AGBL1: variants seen among roughly 807,000 people sequenced by gnomAD.
AGBL1 encodes cytosolic carboxypeptidase 4.
In AGBL1, 130 loss-of-function variants were observed where a neutral mutation model predicts 118.9. The observed-to-expected ratio is 1.09, with a 90% CI of 0.95 to 1.26. AGBL1 has a LOEUF of 1.26. AGBL1 is among the 50% of genes most tolerant of loss of function. The pLI is 0.00. For synonymous variants in AGBL1, 555 were observed against 478.9 expected (o/e 1.16, Z -2.08); for missense variants, 1,584 against 1,298.1 (o/e 1.22, Z -3.38).
At chr15:86,985,554 C>T (rs146855849) in intron 23 of AGBL1, among the ~76,000 whole-genome samples, 56 of 152,228 alleles carry the variant, frequency 3.7e-4, no homozygotes, top group Non-Finnish European at 7.2e-4. Context: ...TGTGTCAATT[C>T]AAGATTTTAC....
intron 17 of AGBL1, among the ~76,000 whole-genome samples, chr15:86,325,955 T>C (rs564278659): frequency 1.3e-5 from 2 of 152,312 alleles, no homozygotes; most frequent in South Asian, 4.1e-4. Context: ...CCTTCCTACA[T>C]GAGCAGGAAG....
In AGBL1 at chr15:86,861,491, G is replaced by A. The variant is rs555290992; in HGVS notation, c.3159-45596G>A. Reference sequence around the variant, plus strand: ...TTCAAAAAGGTTTAGTAACTATTCCGACTACAGGGAGCTAGAATATCAACA... The same window carrying A: ...TTCAAAAAGGTTTAGTAACTATTCCAACTACAGGGAGCTAGAATATCAACA... On this transcript the variant is annotated intron_variant, in intron 22 of 22. Transcript: ENST00000614907. Among the ~76,000 whole-genome samples, 102 of 152,186 alleles carry A rather than the reference G, an allele frequency of 6.7e-4. 1 individual carries two copies. The highest frequency in any genetic ancestry group is 3.4e-3 in the Middle Eastern group (1 of 294).
chr15:86,770,275 A>G (rs949869095), intron 22 of AGBL1, among the ~76,000 whole-genome samples: 1 of 151,954 alleles, frequency 6.6e-6, no homozygotes, highest in African/African-American at 2.4e-5. Flanking sequence ...AGATACATAA[A>G]TAACTATCAC....
intron 17 of AGBL1, among the ~76,000 whole-genome samples, chr15:86,324,779 C>G (rs1049498687): frequency 6.6e-6 from 1 of 152,192 alleles, no homozygotes; most frequent in African/African-American, 2.4e-5. Flanking sequence ...TTTGAAAAGA[C>G]ATTTAAGCCA....
intron 22 of AGBL1, among the ~76,000 whole-genome samples, chr15:86,720,029 A>C (rs944560788): frequency 6.6e-6 from 1 of 152,082 alleles, no homozygotes; most frequent in South Asian, 2.1e-4. Context: ...GATTTCCCAG[A>C]CCTTTGCTTA....
At chr15:86,633,865 G>GTA (rs199562622) in intron 21 of AGBL1, among the ~76,000 whole-genome samples, 8,037 of 102,576 alleles carry the variant, frequency 0.078, 491 homozygotes, top group African/African-American at 0.22. Context: ...TATATATAAT[G>GTA]TATATATATA....
intron 1 of AGBL1, among the ~76,000 whole-genome samples, chr15:86,103,756 ATGCCTTTCCT>A (rs1030934111): frequency 6.6e-6 from 1 of 152,184 alleles, no homozygotes; most frequent in African/African-American, 2.4e-5. Flanking sequence ...CAGGCTGAGC[ATGCCTTTCCT>A]TGGTCCTCAG....
chr15:86,158,771 G>A (rs1398409588), intron 4 of AGBL1, among the ~76,000 whole-genome samples, 162 bp from the exon 5 acceptor site: 1 of 147,138 alleles, frequency 6.8e-6, no homozygotes, highest in African/African-American at 2.6e-5. Context: ...TGGGAGACCC[G>A]AGAATGACAT....
chr15:86,649,627 AG>A (rs1047726139), intron 21 of AGBL1, among the ~76,000 whole-genome samples: 25 of 152,206 alleles, frequency 1.6e-4, no homozygotes, highest in East Asian at 9.7e-4. Context: ...ATTCTGCATA[AG>A]AAAAAATGGT....
intron 17 of AGBL1, among the ~76,000 whole-genome samples, chr15:86,330,901 A>C (rs2080257980): frequency 6.6e-6 from 1 of 152,184 alleles, no homozygotes; most frequent in African/African-American, 2.4e-5. Flanking sequence ...AAACTAACCC[A>C]GTCAGACAAA....
intron 18 of AGBL1, among the ~76,000 whole-genome samples, chr15:86,488,337 A>G (rs1478917116): frequency 6.6e-6 from 1 of 151,798 alleles, no homozygotes; most frequent in African/African-American, 2.4e-5. Context: ...TACCCCCGAG[A>G]TTGCTGCCAA....
At chr15:86,791,231 C>T (rs1277565928) in intron 22 of AGBL1, among the ~76,000 whole-genome samples, 1 of 152,082 alleles carries the variant, frequency 6.6e-6, no homozygotes. Flanking sequence ...GATAAGTTTC[C>T]CAATAAGGCT....
chr15:87,025,731 G>A (rs1458933910), intron 24 of AGBL1, among the ~76,000 whole-genome samples: 1 of 151,882 alleles, frequency 6.6e-6, no homozygotes, highest in Non-Finnish European at 1.5e-5. Context: ...CAAACCTGGA[G>A]GCATCCCACT....
At chr15:86,810,202 A>T (rs949217413) in intron 22 of AGBL1, among the ~76,000 whole-genome samples, 1 of 152,078 alleles carries the variant, frequency 6.6e-6, no homozygotes, top group African/African-American at 2.4e-5. Flanking sequence ...CTGCAATGTG[A>T]GAGAGAGGGA....
chr15:86,266,233 C>A, intron 11 of AGBL1, 141 bp from the exon 12 acceptor site: 2 of 513,338 alleles, frequency 3.9e-6, no homozygotes, highest in South Asian at 3.5e-5. Context: ...ATGCTCTGAG[C>A]TCAAAGTTGA....
chr15:86,827,861 T>C lies in AGBL1; in HGVS notation c.3159-79226T>C, dbSNP rs568881890. 2.7e-5 allele frequency among the ~76,000 whole-genome samples: 4 copies of C among 148,682 alleles called. 1 individual carries two copies. In the South Asian group the frequency reaches 8.6e-4, roughly 32 times the overall value. ...GTGGCTACCATAAGATAAAAGATGG[T>C]AGCCCTATCTGTGCCTTCCTGCTGG... On this transcript the variant is annotated intron_variant, in intron 22 of 22. Transcript: ENST00000614907.
chr15:86,262,756 T>G (rs1380338329), intron 9 of AGBL1, 22 bp from the exon 10 acceptor site: 1 of 1,512,186 alleles, frequency 6.6e-7, no homozygotes, highest in East Asian at 2.3e-5. Flanking sequence ...CTGTAATCTC[T>G]TCTATGACTA....
intron 18 of AGBL1, among the ~76,000 whole-genome samples, chr15:86,442,785 A>G (rs2082079860): frequency 6.6e-6 from 1 of 152,238 alleles, no homozygotes; most frequent in African/African-American, 2.4e-5. Context: ...CCTGGCCTCC[A>G]TTCTCAGGGC....
intron 5 of AGBL1, among the ~76,000 whole-genome samples, chr15:86,170,407 G>C (rs1482179675): frequency 6.6e-6 from 1 of 152,086 alleles, no homozygotes; most frequent in African/African-American, 2.4e-5. Context: ...CCACTGGGGA[G>C]AGGAGAAATA....
Sources: allele counts gnomAD v4.1 joint callset (sites outside exome capture counted in the v4.1 genomes callset), GRCh38; gene constraint gnomAD v4.1.1; transcripts MANE v1.5; gene names NCBI Gene and HGNC (gene_info 2026-07-23, HGNC 2026-07-21).